The following CLSTN2 variants were observed in gnomAD, a reference collection of about 807,000 sequenced individuals.
The protein encoded by CLSTN2 is calsyntenin 2.
A neutral mutation model predicts 101.2 loss-of-function variants in CLSTN2; 48 were observed. The ratio of observed to expected loss-of-function variants is 0.47; its 90% confidence interval spans 0.38 to 0.60. The LOEUF is 0.60. CLSTN2 is among the 20% of genes least tolerant of loss of function. The pLI, the probability that CLSTN2 is intolerant of heterozygous loss-of-function variation, is 0.00. For missense variants in CLSTN2, 1,160 were observed against 1,238.2 expected, an observed-to-expected ratio of 0.94 and a Z score of 0.95; for synonymous variants, 481 against 463.6, an observed-to-expected ratio of 1.04 and a Z score of -0.48.
intron 1 of CLSTN2, among the ~76,000 whole-genome samples, chr3:140,055,023 A>C (rs546877141): frequency 6.6e-6 from 1 of 152,326 alleles, no homozygotes; most frequent in East Asian, 1.9e-4. Flanking sequence ...TCTGAACTTG[A>C]CAGGAAAATT....
Position 140,176,209 on chromosome 3 carries a change from G to T in CLSTN2, c.232+136G>T, listed in dbSNP as rs1253665333. On this transcript the variant is annotated intron_variant, in intron 2 of 16. Transcript: ENST00000458420. ...CTCTAGATCAGCCTGTGATGTTAAA[G>T]CTGTATGCCTCTTATTTCTGGGATG... 6.6e-6 allele frequency: 6 copies of T among 915,284 alleles called. No homozygotes were observed. The African/African-American group carries it at 6.7e-5, about 10-fold the overall frequency. The allele number at this position is 915,284 out of a possible 1,614,324, so 56.7% of individuals were successfully genotyped here.
chr3:140,138,989 A>G (rs1412043361), intron 1 of CLSTN2, among the ~76,000 whole-genome samples: 2 of 152,232 alleles, frequency 1.3e-5, no homozygotes, highest in Non-Finnish European at 2.9e-5. Flanking sequence ...TTTACTATCA[A>G]TGTGATATTG....
At chr3:140,136,160 C>T (rs551468492) in intron 1 of CLSTN2, among the ~76,000 whole-genome samples, 1 of 152,244 alleles carries the variant, frequency 6.6e-6, no homozygotes, top group African/African-American at 2.4e-5. Flanking sequence ...AAATATCTAT[C>T]ACCCTTGGTC....
intron 2 of CLSTN2, among the ~76,000 whole-genome samples, chr3:140,221,897 C>T (rs944858081): frequency 6.6e-6 from 1 of 151,958 alleles, no homozygotes; most frequent in African/African-American, 2.4e-5. Flanking sequence ...AGTACTATGG[C>T]AAACAGTTTG....
chr3:140,045,658 G>A (rs2007862495), intron 1 of CLSTN2, among the ~76,000 whole-genome samples: 1 of 152,296 alleles, frequency 6.6e-6, no homozygotes, highest in Non-Finnish European at 1.5e-5. Context: ...GGCATTTAAT[G>A]CTATAAATTT....
chr3:140,082,819 C>T (rs943689193), intron 1 of CLSTN2, among the ~76,000 whole-genome samples: 2 of 152,178 alleles, frequency 1.3e-5, no homozygotes, highest in African/African-American at 4.8e-5. Context: ...TGGATGTGGT[C>T]CCTTGCTTCA....
chr3:140,392,419 C>G (rs2088125728), intron 2 of CLSTN2, among the ~76,000 whole-genome samples: 1 of 151,886 alleles, frequency 6.6e-6, no homozygotes, highest in South Asian at 2.1e-4. Flanking sequence ...AGGTTTTTAT[C>G]AGAAATATTT....
At chr3:140,355,662 G>A (rs1490383827) in intron 2 of CLSTN2, among the ~76,000 whole-genome samples, 3 of 152,150 alleles carry the variant, frequency 2.0e-5, no homozygotes, top group East Asian at 1.9e-4. Context: ...AGGCAATCTG[G>A]CTGGTGCCAA....
chr3:140,303,508 G>GT lies in CLSTN2; in HGVS notation c.233-100113dup, dbSNP rs201713889. On this transcript the variant is annotated intron_variant, in intron 2 of 16. Coordinates refer to ENST00000458420, the MANE Select transcript of CLSTN2 (RefSeq NM_022131.3). ...AAATAATATCTAAATAATCATTCCA[G>GT]TTTTTTTTCCAAGCATAATTACAAT... is the stretch of plus-strand genomic sequence containing the variant. Among the ~76,000 whole-genome samples, 499 of 151,922 alleles carry GT rather than the reference G, an allele frequency of 3.3e-3. 3 individuals are homozygous for GT. Among genetic ancestry groups the GT allele is most frequent in the African/African-American group, 0.011 (466 of 41,426 alleles).
At chr3:140,500,279 GC>G (rs1430029316) in intron 8 of CLSTN2, among the ~76,000 whole-genome samples, 3 of 152,082 alleles carry the variant, frequency 2.0e-5, no homozygotes, top group Non-Finnish European at 4.4e-5. Context: ...CCAAAAAGCA[GC>G]CTTATTGGCA....
intron 2 of CLSTN2, among the ~76,000 whole-genome samples, chr3:140,308,293 A>T (rs964142813): frequency 1.3e-5 from 2 of 152,208 alleles, no homozygotes; most frequent in Non-Finnish European, 2.9e-5. Context: ...TTCACATTAG[A>T]TGTTGATGTG....
chr3:140,322,504 G>C (rs539893214), intron 2 of CLSTN2, among the ~76,000 whole-genome samples: 5 of 152,330 alleles, frequency 3.3e-5, no homozygotes, highest in African/African-American at 1.2e-4. Context: ...AGACAGAGGA[G>C]GAACCTCAAA....
intron 8 of CLSTN2, among the ~76,000 whole-genome samples, chr3:140,497,049 C>T (rs750254826): frequency 1.8e-4 from 27 of 147,290 alleles, no homozygotes; most frequent in Non-Finnish European, 3.4e-4. Flanking sequence ...TGCAGTAAGC[C>T]GAGATTGCGC....
intron 2 of CLSTN2, among the ~76,000 whole-genome samples, chr3:140,384,842 G>T (rs954804161): frequency 2.0e-5 from 3 of 152,164 alleles, no homozygotes; most frequent in Admixed American, 6.5e-5. Flanking sequence ...AAATATTCCT[G>T]TTCCCCTTTG....
At chr3:140,309,712 C>T (rs562164627) in intron 2 of CLSTN2, among the ~76,000 whole-genome samples, 65 of 152,164 alleles carry the variant, frequency 4.3e-4, no homozygotes, top group African/African-American at 1.5e-3. Context: ...CCCCACGTGC[C>T]CTACCAGAAA....
At position 140,403,630 on chromosome 3, in the gene CLSTN2, G is replaced by C; in HGVS notation, c.234G>C (p.Gly78=). ...TCACTGTTTTCCATCCTTCTGCAGG[G>C]GAAATCTGTGCGTTCAAGATCCATG... is the stretch of plus-strand genomic sequence containing the variant. ...LDKDAPVPFA[G]EICAFKIHGQ... is the part of the protein sequence containing the mutation. Residue 78 remains glycine, a splice_region_variant and synonymous_variant, in exon 3 of 17, where the codon GGG becomes GGC. Coordinates refer to ENST00000458420, the MANE Select transcript of CLSTN2 (RefSeq NM_022131.3). 6.2e-7 allele frequency: 1 copy of C among 1,606,988 alleles called. No individual in the cohort carries two copies. The highest frequency in any genetic ancestry group is 8.5e-7 in the Non-Finnish European group (1 of 1,176,024).
chr3:140,561,994 G>C, intron 12 of CLSTN2, 144 bp from the exon 13 acceptor site: 1 of 632,906 alleles, frequency 1.6e-6, no homozygotes. Context: ...TCTGAGCGGT[G>C]GATGTGGTAT....
At chr3:140,152,324 G>T (rs895224050) in intron 1 of CLSTN2, among the ~76,000 whole-genome samples, 1 of 151,434 alleles carries the variant, frequency 6.6e-6, no homozygotes, top group African/African-American at 2.4e-5. Context: ...CGTTTCCCAT[G>T]CTGTTCTCTC....
At chr3:139,959,976 C>T (rs915524791) in intron 1 of CLSTN2, among the ~76,000 whole-genome samples, 1 of 152,164 alleles carries the variant, frequency 6.6e-6, no homozygotes, top group African/African-American at 2.4e-5. Flanking sequence ...GAATTGTATC[C>T]ATTCTAAAAT....
Sources: gnomAD v4.1 joint callset for allele counts (sites outside exome capture counted in the v4.1 genomes callset) on GRCh38, gnomAD v4.1.1 for gene constraint, MANE v1.5 for transcripts, NCBI Gene and HGNC (gene_info 2026-07-23, HGNC 2026-07-21) for gene names.